The following NECAB1 variants were observed in gnomAD, a reference collection of about 807,000 sequenced individuals.
The protein encoded by NECAB1 is N-terminal EF-hand calcium-binding protein 1.
A neutral mutation model predicts 57.5 loss-of-function variants in NECAB1; 29 were observed. The ratio of observed to expected loss-of-function variants is 0.50; its 90% CI spans 0.38 to 0.69. NECAB1 has a LOEUF of 0.69. Ranked by LOEUF, NECAB1 falls within the 30% of genes least tolerant of loss-of-function variation. NECAB1 has a pLI of 0.00. For missense variants in NECAB1, 372 were observed against 413.8 expected, an observed-to-expected ratio of 0.90 and a Z score of 0.88; for synonymous variants, 142 against 147.7, an observed-to-expected ratio of 0.96 and a Z score of 0.28.
At chr8:90,795,706 T>TCACACACACACACACA (rs1385184275) in intron 1 of NECAB1, among the ~76,000 whole-genome samples, 1 of 136,322 alleles carries the variant, frequency 7.3e-6, no homozygotes, top group South Asian at 2.2e-4. Flanking sequence ...ACCTCATCTC[T>TCACACACACACACACA]CTCACACACA....
chr8:90,855,408 A>G (rs182264146), intron 3 of NECAB1, among the ~76,000 whole-genome samples: 71 of 152,288 alleles, frequency 4.7e-4, no homozygotes, highest in African/African-American at 1.4e-3. Context: ...GAGTCTTTGG[A>G]TGTTCAAATG....
Position 90,792,679 on chromosome 8 carries a change from A to T in NECAB1, c.99+694A>T, listed in dbSNP as rs1040467860. The stretch of plus-strand genomic sequence containing the variant: ...ACTTCGGTATCGACTGCCTGCCTTC[A>T]TTACTCTGATCTGATTACATCCTTT... On this transcript the variant is annotated intron_variant, in intron 1 of 12. Transcript: ENST00000417640. Among the ~76,000 whole-genome samples the T allele has an allele frequency of 3.8e-4, 58 of 151,962 alleles. 1 individual carries two copies. The highest frequency in any genetic ancestry group is 1.5e-5 in the Non-Finnish European group (1 of 68,006).
chr8:90,890,691 A>G (rs1237939904), intron 5 of NECAB1, among the ~76,000 whole-genome samples: 1 of 152,196 alleles, frequency 6.6e-6, no homozygotes, highest in African/African-American at 2.4e-5. Context: ...GTATTTTTAA[A>G]CTATCAGCTT....
intron 3 of NECAB1, 98 bp downstream of exon 3, chr8:90,824,923 G>T: frequency 1.9e-6 from 1 of 537,842 alleles, no homozygotes; most frequent in South Asian, 5.8e-5. Flanking sequence ...AATATAGAGG[G>T]TATATTTTGC....
intron 3 of NECAB1, among the ~76,000 whole-genome samples, chr8:90,851,478 A>G (rs1029053042): frequency 6.6e-6 from 1 of 152,108 alleles, no homozygotes; most frequent in South Asian, 2.1e-4. Context: ...TCATAATTGA[A>G]TTGTAGGACA....
At chr8:90,898,397 A>G (rs914017345) in intron 5 of NECAB1, among the ~76,000 whole-genome samples, 2 of 152,202 alleles carry the variant, frequency 1.3e-5, no homozygotes, top group African/African-American at 4.8e-5. Context: ...TTTCACTGAG[A>G]TTAGACATCA....
intron 4 of NECAB1, among the ~76,000 whole-genome samples, chr8:90,877,185 C>G (rs1732368670): frequency 1.3e-5 from 2 of 152,308 alleles, no homozygotes; most frequent in South Asian, 2.1e-4. Flanking sequence ...GTTTGCAGAT[C>G]TGCTGAAATT....
At chr8:90,817,208 T>G (rs904259027) in intron 2 of NECAB1, among the ~76,000 whole-genome samples, 1 of 151,790 alleles carries the variant, frequency 6.6e-6, no homozygotes, top group Admixed American at 6.6e-5. Context: ...TTGTTTTGTG[T>G]TTTGCTAATT....
At chr8:90,866,876 A>G (rs535109668) in intron 3 of NECAB1, among the ~76,000 whole-genome samples, 70 of 152,336 alleles carry the variant, frequency 4.6e-4, no homozygotes, top group African/African-American at 1.4e-3. Context: ...CAGAAATATC[A>G]TTTGACCCAG....
At position 90,801,683 on chromosome 8, in the gene NECAB1, C is replaced by T. The variant is rs758674694; in HGVS notation, c.100-8C>T. On this transcript the variant is annotated splice_polypyrimidine_tract_variant and splice_region_variant and intron_variant, in intron 1 of 12. Transcript: ENST00000417640. ...TGCTGATAAAATTTTTTCCTTTTTCCTTTCCAGATACTGAGGAGAGCAGAC... is the reference window on the plus strand; with the variant it reads ...TGCTGATAAAATTTTTTCCTTTTTCTTTTCCAGATACTGAGGAGAGCAGAC... 9.9e-6 allele frequency: 15 copies of T among 1,516,352 alleles called. No homozygotes were observed. The South Asian group carries it at 1.4e-4, about 14-fold the overall frequency. 93.9% of individuals were successfully genotyped at this position (1,516,352 alleles called of 1,614,324 possible).
intron 5 of NECAB1, among the ~76,000 whole-genome samples, chr8:90,892,451 T>G (rs1809206460): frequency 6.6e-6 from 1 of 152,224 alleles, no homozygotes; most frequent in Non-Finnish European, 1.5e-5. Context: ...CATACAATAT[T>G]TAAAATGATG....
intron 4 of NECAB1, among the ~76,000 whole-genome samples, chr8:90,872,642 T>G (rs1442163109): frequency 6.6e-6 from 1 of 152,170 alleles, no homozygotes; most frequent in Non-Finnish European, 1.5e-5. Flanking sequence ...AATGCCTGGT[T>G]TAATAGCCTC....
intron 3 of NECAB1, among the ~76,000 whole-genome samples, chr8:90,868,614 C>A (rs973729467): frequency 6.6e-6 from 1 of 152,174 alleles, no homozygotes; most frequent in East Asian, 1.9e-4. Context: ...GGATATCTGG[C>A]GGAAGAAATT....
intron 5 of NECAB1, among the ~76,000 whole-genome samples, chr8:90,882,981 GTTAAT>G (rs1229043147): frequency 1.3e-5 from 2 of 152,058 alleles, no homozygotes; most frequent in Non-Finnish European, 2.9e-5. Context: ...TTGCTCCTAA[GTTAAT>G]TTAAGAAGCT....
At chr8:90,894,988 G>A (rs987201808) in intron 5 of NECAB1, among the ~76,000 whole-genome samples, 2 of 152,122 alleles carry the variant, frequency 1.3e-5, no homozygotes, top group Non-Finnish European at 2.9e-5. Context: ...TGAAGCACAG[G>A]GGCTTGTTTC....
chr8:90,930,947 T>G (rs1000894761), intron 8 of NECAB1, among the ~76,000 whole-genome samples: 2 of 152,254 alleles, frequency 1.3e-5, no homozygotes, highest in Admixed American at 1.3e-4. Flanking sequence ...TTTGAATTTT[T>G]GGACAAAACT....
At chr8:90,940,593 G>A in intron 9 of NECAB1, 193 bp from the exon 10 acceptor site, 2 of 514,402 alleles carry the variant, frequency 3.9e-6, no homozygotes, top group Non-Finnish European at 7.0e-6. Flanking sequence ...TGGGACTAGA[G>A]GCAAGGAAAA....
intron 8 of NECAB1, among the ~76,000 whole-genome samples, chr8:90,932,031 T>C (rs1810422188): frequency 1.3e-5 from 2 of 152,160 alleles, no homozygotes; most frequent in Non-Finnish European, 2.9e-5. Context: ...CCTTAGTGTA[T>C]CATCAGATCA....
intron 9 of NECAB1, among the ~76,000 whole-genome samples, chr8:90,935,589 T>C (rs959032091): frequency 3.9e-5 from 6 of 152,180 alleles, no homozygotes; most frequent in Admixed American, 1.3e-4. Context: ...ATCATGCATC[T>C]GTTATCTTCT....
Sources: gnomAD v4.1 joint callset for allele counts (sites outside exome capture counted in the v4.1 genomes callset) on GRCh38, gnomAD v4.1.1 for gene constraint, MANE v1.5 for transcripts, NCBI Gene and HGNC (gene_info 2026-07-23, HGNC 2026-07-21) for gene names.